Variants in EIPR1 observed in about 807,000 individuals in gnomAD.
EIPR1 encodes EARP complex and GARP complex interacting protein 1.
EIPR1 carries 25 observed loss-of-function variants against 48.1 expected under a neutral mutation model. That is an observed-to-expected ratio of 0.52 (90% CI 0.38 to 0.73). The LOEUF is 0.73. Ranked by LOEUF, EIPR1 falls within the 30% of genes least tolerant of loss-of-function variation. The probability of loss-of-function intolerance (pLI) is 0.00; values close to 1 mark genes in which losing one functional copy is unlikely to be tolerated. For missense variants in EIPR1, 415 were observed against 506.2 expected (o/e 0.82, Z 1.73); for synonymous variants, 204 against 201.9 (o/e 1.01, Z -0.09).
At position 3,318,792 on chromosome 2, in the gene EIPR1, G is replaced by A. The variant is rs558124356; in HGVS notation, c.259+19225C>T. On this transcript the variant is annotated intron_variant, in intron 3 of 8. Transcript: ENST00000382125. ...TACATCTGGTGACGTGCTACTCCTCGATCGCCACACATGCACCCCAAACTC... is the reference window on the plus strand; with the variant it reads ...TACATCTGGTGACGTGCTACTCCTCAATCGCCACACATGCACCCCAAACTC... The A allele has an allele frequency of 3.9e-5, 18 of 461,086 alleles. No homozygotes were observed. The East Asian group carries it at 9.2e-4, about 24-fold the overall frequency. The allele number at this position is 461,086 out of a possible 1,614,324, so 28.6% of individuals were successfully genotyped here.
intron 3 of EIPR1, among the ~76,000 whole-genome samples, chr2:3,272,518 C>G (rs1162075765): frequency 1.3e-5 from 2 of 152,156 alleles, no homozygotes; most frequent in Admixed American, 6.5e-5. Context: ...TCTCAGGGAA[C>G]AGAGAGGCCT....
intron 4 of EIPR1, among the ~76,000 whole-genome samples, chr2:3,248,822 C>G (rs1240919810): frequency 6.6e-6 from 1 of 152,152 alleles, no homozygotes; most frequent in Non-Finnish European, 1.5e-5. Flanking sequence ...CTTCCCCATT[C>G]TCTCTCTTGC....
intron 3 of EIPR1, among the ~76,000 whole-genome samples, chr2:3,269,528 G>GCACTCAATCATCATCA (rs1667624558): frequency 3.1e-5 from 2 of 65,040 alleles, no homozygotes; most frequent in African/African-American, 1.3e-4. Flanking sequence ...CTCAATCATC[G>GCACTCAATCATCATCA]CACTCAGTCA....
intron 2 of EIPR1, among the ~76,000 whole-genome samples, chr2:3,346,676 A>C (rs1670412021): frequency 6.6e-6 from 1 of 152,226 alleles, no homozygotes; most frequent in Non-Finnish European, 1.5e-5. Flanking sequence ...AAAGACAGAC[A>C]AGACTAGAGA....
intron 3 of EIPR1, among the ~76,000 whole-genome samples, chr2:3,333,893 C>G (rs1572455823): frequency 1.3e-5 from 2 of 152,306 alleles, no homozygotes; most frequent in African/African-American, 4.8e-5. Flanking sequence ...TGTGATCGGC[C>G]TGCCCTCTCC....
Position 3,356,777 on chromosome 2 carries a change from G to C in EIPR1, c.43-2144C>G, listed in dbSNP as rs1330271181. ...TGTGACCACAGAAAAGAGAATCAGA[G>C]AGGTGGTGAGGCAGGAGAACAGGGT... On this transcript the variant is annotated intron_variant, in intron 1 of 8. Transcript: ENST00000382125. 2.0e-5 allele frequency among the ~76,000 whole-genome samples: 3 copies of C among 152,346 alleles called. No homozygotes were observed. In the East Asian group the frequency reaches 5.8e-4, roughly 29 times the overall value.
intron 1 of EIPR1, among the ~76,000 whole-genome samples, chr2:3,367,369 A>T (rs905940772): frequency 2.6e-5 from 4 of 152,234 alleles, no homozygotes; most frequent in Non-Finnish European, 5.9e-5. Context: ...AAAGACAAGA[A>T]ATCTGAACAA....
chr2:3,278,786 G>A (rs1667934519), intron 3 of EIPR1, among the ~76,000 whole-genome samples: 1 of 152,118 alleles, frequency 6.6e-6, no homozygotes, highest in Non-Finnish European at 1.5e-5. Context: ...GGCCATGTCT[G>A]CCCCAGCAAC....
At chr2:3,363,515 G>A (rs1002586845) in intron 1 of EIPR1, among the ~76,000 whole-genome samples, 1 of 152,010 alleles carries the variant, frequency 6.6e-6, no homozygotes, top group East Asian at 1.9e-4. Context: ...GGGCAACAAG[G>A]TGAAATCCCG....
intron 2 of EIPR1, 85 bp downstream of exon 2, chr2:3,354,465 G>A: frequency 1.6e-6 from 2 of 1,253,098 alleles, no homozygotes; most frequent in Non-Finnish European, 2.3e-6. Flanking sequence ...TTTCTCAAAT[G>A]TTGCTGGAAA....
intron 3 of EIPR1, among the ~76,000 whole-genome samples, chr2:3,299,560 A>C (rs1558283129): frequency 6.6e-6 from 1 of 151,856 alleles, no homozygotes; most frequent in Non-Finnish European, 1.5e-5. Context: ...TAGCCTGCTG[A>C]AATTCCCATT....
chr2:3,247,947 T>C (rs957594235), intron 4 of EIPR1, among the ~76,000 whole-genome samples: 15 of 152,168 alleles, frequency 9.9e-5, no homozygotes, highest in Non-Finnish European at 2.1e-4. Context: ...TAGCCCATCT[T>C]TTCCAGAAAG....
intron 3 of EIPR1, among the ~76,000 whole-genome samples, chr2:3,302,698 T>C (rs1048295579): frequency 2.0e-4 from 30 of 152,226 alleles, no homozygotes; most frequent in Non-Finnish European, 2.2e-4. Flanking sequence ...CAGCCCTCCC[T>C]GCATCCTGGA....
At chr2:3,207,320 G>A (rs756015914) in intron 5 of EIPR1, among the ~76,000 whole-genome samples, 21 of 152,208 alleles carry the variant, frequency 1.4e-4, no homozygotes, top group Non-Finnish European at 2.4e-4. Flanking sequence ...AGGGGACCTC[G>A]TTTTGCAGGC....
At chr2:3,197,130 C>CCGGCCGGGCGCGG in intron 5 of EIPR1, 113 bp from the exon 6 acceptor site, 1 of 1,214,460 alleles carries the variant, frequency 8.2e-7, no homozygotes, top group Non-Finnish European at 1.1e-6. Flanking sequence ...AAAATAATTA[C>CCGGCCGGGCGCGG]TGAGGATAAT....
intron 5 of EIPR1, among the ~76,000 whole-genome samples, chr2:3,207,141 A>G (rs4018516): frequency 0.94 from 142,787 of 152,248 alleles, 67,041 homozygotes; most frequent in East Asian, 0.98. Flanking sequence ...ATGTACCCAC[A>G]CACCCATCCA....
intron 1 of EIPR1, among the ~76,000 whole-genome samples, chr2:3,364,656 A>G (rs1372233883): frequency 6.6e-6 from 1 of 152,070 alleles, no homozygotes; most frequent in Admixed American, 6.6e-5. Context: ...AAAGAAAGAA[A>G]AAAAAAAAGA....
intron 2 of EIPR1, among the ~76,000 whole-genome samples, chr2:3,342,660 C>T (rs1410820442): frequency 1.3e-5 from 2 of 152,244 alleles, no homozygotes; most frequent in African/African-American, 4.8e-5. Flanking sequence ...CAATGGGACT[C>T]AGCTCCTGGA....
rs577743977 is a variant in EIPR1 at position 3,286,455 on chromosome 2, C to T, written c.260-29000G>A. ...ACCCCCGGGGGTGGGGCCATCCTAC[C>T]AGGCATGTCCTGGGCACATGGGAAG... On this transcript the variant is annotated intron_variant, in intron 3 of 8. Transcript: ENST00000382125. The surrounding 1 kb of genome is among the most constrained non-coding windows in gnomAD (Gnocchi z 4.2). Among the ~76,000 whole-genome samples the T allele has an allele frequency of 2.6e-5, 4 of 152,308 alleles. No homozygotes were observed. Among genetic ancestry groups the T allele is most frequent in the Admixed American group, 1.3e-4 (2 of 15,306 alleles).
Sources: gnomAD v4.1 joint callset for allele counts (sites outside exome capture counted in the v4.1 genomes callset) on GRCh38, gnomAD v4.1.1 for gene constraint, Gnocchi (gnomAD v3.1) non-coding constraint, MANE v1.5 for transcripts, NCBI Gene and HGNC (gene_info 2026-07-23, HGNC 2026-07-21) for gene names.